The following DCC variants were observed in gnomAD, a reference collection of about 807,000 sequenced individuals.
DCC encodes DCC netrin 1 receptor, also known as netrin receptor DCC.
A neutral mutation model predicts 172.5 loss-of-function variants in DCC; 58 were observed. That is an observed-to-expected ratio of 0.34 (90% CI 0.27 to 0.42). DCC has a LOEUF of 0.42. Ranked by LOEUF, DCC falls within the 10% of genes least tolerant of loss-of-function variation. The pLI is 1.00. For synonymous variants in DCC, 709 were observed against 644.5 expected (o/e 1.10, Z -1.52); for missense variants, 1,740 against 1,791.0 (o/e 0.97, Z 0.51).
intron 1 of DCC, among the ~76,000 whole-genome samples, chr18:52,464,950 T>C (rs181301981): frequency 5.9e-4 from 90 of 152,070 alleles, no homozygotes; most frequent in Non-Finnish European, 1.1e-3. Flanking sequence ...TATATAGAAA[T>C]AGGTAGTTTT....
rs188945878 is a variant in DCC at position 53,371,484 on chromosome 18, A to G, written c.2360-14559A>G. Reference sequence around the variant, plus strand: ...ACAGTTATTCTCAGTGTTATTGCATAGGCATGGAAGTGGTAAAGAAAAAAT... The same window carrying G: ...ACAGTTATTCTCAGTGTTATTGCATGGGCATGGAAGTGGTAAAGAAAAAAT... On this transcript the variant is annotated intron_variant, in intron 15 of 28. Transcript: ENST00000442544. 1.9e-4 allele frequency among the ~76,000 whole-genome samples: 29 copies of G among 152,118 alleles called. No homozygotes were observed. In the East Asian group the frequency reaches 4.8e-3, roughly 25 times the overall value.
At chr18:53,000,877 A>C (rs1288219311) in intron 5 of DCC, among the ~76,000 whole-genome samples, 1 of 152,062 alleles carries the variant, frequency 6.6e-6, no homozygotes, top group Non-Finnish European at 1.5e-5. Flanking sequence ...CAAGGTAAGA[A>C]ATGCTTATTA....
chr18:52,446,693 G>A (rs553753303), intron 1 of DCC, among the ~76,000 whole-genome samples: 6 of 152,272 alleles, frequency 3.9e-5, no homozygotes, highest in African/African-American at 1.4e-4. Flanking sequence ...CTTTGGTATT[G>A]ATGTTACTGT....
chr18:52,935,076 T>C (rs2040362330), intron 5 of DCC, among the ~76,000 whole-genome samples: 1 of 152,166 alleles, frequency 6.6e-6, no homozygotes, highest in African/African-American at 2.4e-5. Context: ...AAAGATTCTT[T>C]GGTCTTTTTT....
At position 53,189,187 on chromosome 18, in the gene DCC, GTGTATATA is replaced by G. The variant is rs201095262; in HGVS notation, c.1573+10075_1573+10082del. 7.2e-5 allele frequency among the ~76,000 whole-genome samples: 11 copies of G among 152,156 alleles called. No individual in the cohort carries two copies. In the East Asian group the frequency reaches 1.7e-3, roughly 24 times the overall value. ...TATGTGCATGTATATATATGTGTGT[GTGTATATA>G]TGTGTATATGTGTAGATATGTGTAT... On this transcript the variant is annotated intron_variant, in intron 9 of 28. Transcript: ENST00000442544.
chr18:52,894,354 A>G (rs1169728394), intron 2 of DCC, among the ~76,000 whole-genome samples: 1 of 151,942 alleles, frequency 6.6e-6, no homozygotes, highest in African/African-American at 2.4e-5. Flanking sequence ...TAGATGTCCA[A>G]TAAATGCTGA....
intron 1 of DCC, among the ~76,000 whole-genome samples, chr18:52,717,106 C>T (rs992937678): frequency 1.3e-5 from 2 of 152,110 alleles, no homozygotes. Flanking sequence ...CAAGAGGGCT[C>T]CTGGGAACAG....
chr18:53,378,048 G>A (rs1283340134), intron 15 of DCC, among the ~76,000 whole-genome samples: 3 of 152,064 alleles, frequency 2.0e-5, no homozygotes, highest in African/African-American at 7.2e-5. Context: ...TGCAACTTCT[G>A]CGTCCTGGGT....
At chr18:53,163,765 C>T (rs926514059) in intron 8 of DCC, among the ~76,000 whole-genome samples, 1 of 152,114 alleles carries the variant, frequency 6.6e-6, no homozygotes, top group Non-Finnish European at 1.5e-5. Flanking sequence ...CTCTTAGTAC[C>T]TAAAAATCAT....
intron 2 of DCC, among the ~76,000 whole-genome samples, chr18:52,836,099 T>TG (rs1233628282): frequency 4.6e-5 from 7 of 152,186 alleles, no homozygotes; most frequent in Non-Finnish European, 7.3e-5. Context: ...AAGCCTGTTA[T>TG]AAAGCCATCA....
At chr18:52,825,482 C>A (rs1004111111) in intron 2 of DCC, among the ~76,000 whole-genome samples, 3 of 151,980 alleles carry the variant, frequency 2.0e-5, no homozygotes, top group African/African-American at 2.4e-5. Flanking sequence ...TTTTGTTTGC[C>A]TTTTTTGTTA....
At chr18:52,799,426 C>T (rs948299604) in intron 2 of DCC, among the ~76,000 whole-genome samples, 1 of 152,048 alleles carries the variant, frequency 6.6e-6, no homozygotes, top group Non-Finnish European at 1.5e-5. Context: ...AACAAGGAAG[C>T]ATGAAAATGA....
At chr18:53,298,778 AATTTAAATT>A (rs4041367) in intron 12 of DCC, among the ~76,000 whole-genome samples, 21,968 of 151,866 alleles carry the variant, frequency 0.14, 2,189 homozygotes, top group African/African-American at 0.28. Context: ...TTAAAAGAAT[AATTTAAATT>A]ATTTAAATTC....
intron 2 of DCC, among the ~76,000 whole-genome samples, chr18:52,802,575 C>T (rs1163287605): frequency 6.8e-6 from 1 of 146,164 alleles, no homozygotes; most frequent in African/African-American, 2.5e-5. Flanking sequence ...GTCTCCTGAG[C>T]TCAAGTGGTC....
At chr18:53,523,773 G>A (rs752616364) in intron 27 of DCC, among the ~76,000 whole-genome samples, 5 of 152,034 alleles carry the variant, frequency 3.3e-5, no homozygotes, top group Non-Finnish European at 7.4e-5. Context: ...AGGGGGCTGG[G>A]GGAGGGATAG....
At chr18:52,355,268 A>G (rs1984309495) in intron 1 of DCC, among the ~76,000 whole-genome samples, 1 of 152,142 alleles carries the variant, frequency 6.6e-6, no homozygotes, top group Non-Finnish European at 1.5e-5. Flanking sequence ...AGCACTGATC[A>G]GGCAGAAAAG....
At chr18:53,177,347 A>G (rs2055118632) in intron 8 of DCC, among the ~76,000 whole-genome samples, 1 of 152,260 alleles carries the variant, frequency 6.6e-6, no homozygotes, top group East Asian at 1.9e-4. Context: ...AAAGAAAAAA[A>G]TTATTTACTT....
At chr18:52,809,856 G>A (rs1262910820) in intron 2 of DCC, among the ~76,000 whole-genome samples, 1 of 151,718 alleles carries the variant, frequency 6.6e-6, no homozygotes, top group East Asian at 1.9e-4. Context: ...GCTCTCAGAT[G>A]ATAACTGATT....
intron 2 of DCC, among the ~76,000 whole-genome samples, chr18:52,803,656 AAAAG>A (rs1432854462): frequency 6.6e-6 from 1 of 152,170 alleles, no homozygotes; most frequent in African/African-American, 2.4e-5. Flanking sequence ...AATCTCCAAA[AAAAG>A]TTTCCAAAAT....
Sources: allele counts gnomAD v4.1 joint callset (sites outside exome capture counted in the v4.1 genomes callset), GRCh38; gene constraint gnomAD v4.1.1; transcripts MANE v1.5; gene names NCBI Gene and HGNC (gene_info 2026-07-23, HGNC 2026-07-21).